SNX8: variants seen among roughly 807,000 people sequenced by gnomAD.
The protein encoded by SNX8 is sorting nexin 8, also known as sorting nexin-8.
In SNX8, 25 loss-of-function variants were observed where a neutral mutation model predicts 51.6. The ratio of observed to expected loss-of-function variants is 0.48; its 90% CI spans 0.35 to 0.68. The LOEUF (loss-of-function observed/expected upper bound fraction) is 0.68. SNX8 is among the 30% of genes least tolerant of loss of function. SNX8 has a pLI of 0.00. For synonymous variants in SNX8, 324 were observed against 277.0 expected (o/e 1.17, Z -1.68); for missense variants, 695 against 624.0 (o/e 1.11, Z -1.21).
intron 1 of SNX8, 30 bp downstream of exon 1, chr7:2,314,298 G>C: frequency 1.6e-6 from 2 of 1,219,218 alleles, no homozygotes; most frequent in South Asian, 8.2e-5. Context: ...GCCCTGGGCA[G>C]GTGGGGGCTA....
At chr7:2,295,810 A>G (rs776628947) in intron 1 of SNX8, among the ~76,000 whole-genome samples, 9 of 151,938 alleles carry the variant, frequency 5.9e-5, no homozygotes, top group Non-Finnish European at 1.3e-4. Context: ...TGGCTATCCA[A>G]TTTTCCTAGC....
intron 1 of SNX8, among the ~76,000 whole-genome samples, chr7:2,342,710 AGAT>A (rs1246093287): frequency 1.3e-5 from 2 of 152,062 alleles, no homozygotes; most frequent in Non-Finnish European, 2.9e-5. Context: ...ACGTAAGTGG[AGAT>A]GAGAGAAGAC....
intron 5 of SNX8, 138 bp from the exon 6 acceptor site, chr7:2,264,596 A>G (rs1584673691): frequency 1.5e-6 from 1 of 671,678 alleles, no homozygotes; most frequent in Non-Finnish European, 2.5e-6. Flanking sequence ...CCACTCCTCC[A>G]GGCCTGCAGG....
In SNX8 at chr7:2,303,878, C is replaced by T. The variant is rs1011761752; in HGVS notation, c.94+10450G>A. The stretch of plus-strand genomic sequence containing the variant: ...GACCTTTGTTCACGTGTTTATCTGC[C>T]GACCTTCCCTCCACTATTGTCCTAT... On this transcript the variant is annotated intron_variant, in intron 1 of 10. Coordinates refer to ENST00000222990, the MANE Select transcript of SNX8 (RefSeq NM_013321.4). Among the ~76,000 whole-genome samples, 72 of 151,824 alleles carry T rather than the reference C, an allele frequency of 4.7e-4. 1 individual carries two copies. The South Asian group carries it at 0.011, about 23-fold the overall frequency.
intron 1 of SNX8, among the ~76,000 whole-genome samples, chr7:2,345,921 C>T (rs1170247620): frequency 6.6e-6 from 1 of 152,006 alleles, no homozygotes; most frequent in Admixed American, 6.6e-5. Context: ...GATTCTCCTA[C>T]CTCAGCCTCC....
At chr7:2,265,359 C>A (rs1795440261) in intron 5 of SNX8, among the ~76,000 whole-genome samples, 1 of 152,006 alleles carries the variant, frequency 6.6e-6, no homozygotes, top group South Asian at 2.1e-4. Flanking sequence ...CAATACTAAT[C>A]TTTAGCTGGA....
chr7:2,253,941 G>A lies in SNX8; in HGVS notation c.*1115C>T, dbSNP rs559640932. On this transcript the variant is annotated 3_prime_UTR_variant, in exon 11 of 11. Coordinates refer to ENST00000222990, the MANE Select transcript of SNX8 (RefSeq NM_013321.4). ...CGGCCAGGGAGGGGCGTCAGGCTCC[G>A]GAGAAGTGCAGGGGTCCACTGGGCT... is the stretch of plus-strand genomic sequence containing the variant. 1.6e-4 allele frequency: 25 copies of A among 152,414 alleles called. No homozygotes were observed. The highest frequency in any genetic ancestry group is 5.3e-4 in the African/African-American group (22 of 41,574). 9.4% of individuals were successfully genotyped at this position (152,414 alleles called of 1,614,324 possible).
intron 1 of SNX8, among the ~76,000 whole-genome samples, chr7:2,329,744 G>C (rs1778695257): frequency 6.6e-6 from 1 of 152,146 alleles, no homozygotes; most frequent in Non-Finnish European, 1.5e-5. Flanking sequence ...TTCCTGGAAA[G>C]TGGCACGGGG....
chr7:2,351,603 C>T (rs535262680), intron 1 of SNX8, among the ~76,000 whole-genome samples: 13 of 151,742 alleles, frequency 8.6e-5, no homozygotes, highest in African/African-American at 2.4e-4. Flanking sequence ...GAGGCCAAGG[C>T]GGGCGGATCA....
At chr7:2,351,905 GTTTTTTT>G (rs748043966) in intron 1 of SNX8, among the ~76,000 whole-genome samples, 4 of 88,324 alleles carry the variant, frequency 4.5e-5, no homozygotes, top group African/African-American at 1.5e-4. Flanking sequence ...GTTGTTGTTG[GTTTTTTT>G]TTTTTTTTTT....
At chr7:2,257,949 G>A in intron 7 of SNX8, 146 bp from the exon 8 acceptor site, 1 of 708,580 alleles carries the variant, frequency 1.4e-6, no homozygotes, top group South Asian at 1.7e-5. Context: ...GTCTGCAGGG[G>A]GCCCCCTTCC....
At chr7:2,260,535 A>T (rs145685129) in intron 7 of SNX8, among the ~76,000 whole-genome samples, 12 of 152,302 alleles carry the variant, frequency 7.9e-5, no homozygotes, top group Non-Finnish European at 1.5e-4. Flanking sequence ...GTCACCATGG[A>T]AAACACAGAC....
intron 1 of SNX8, among the ~76,000 whole-genome samples, chr7:2,300,314 T>C (rs953700222): frequency 6.6e-6 from 1 of 152,212 alleles, no homozygotes; most frequent in Admixed American, 6.5e-5. Context: ...GAGCTGACAA[T>C]TCAAGGAGAT....
At chr7:2,351,956 G>A (rs1364916126) in intron 1 of SNX8, among the ~76,000 whole-genome samples, 1 of 130,666 alleles carries the variant, frequency 7.7e-6, no homozygotes, top group Non-Finnish European at 1.5e-5. Context: ...TGCCCAGGCT[G>A]GAGTGAAATG....
At position 2,278,325 on chromosome 7, in the gene SNX8, T is replaced by C. The variant is rs766829133; in HGVS notation, c.95-20A>G. On this transcript the variant is annotated intron_variant, in intron 1 of 10. Coordinates refer to ENST00000222990, the MANE Select transcript of SNX8 (RefSeq NM_013321.4). Reference sequence around the variant, plus strand: ...GCAGATCTGCAGGGGAGATGGTGAATGACCAGTGAGAATAGCTGCTCAAAA... The same window carrying C: ...GCAGATCTGCAGGGGAGATGGTGAACGACCAGTGAGAATAGCTGCTCAAAA... 2 of 1,443,788 alleles carry C rather than the reference T, an allele frequency of 1.4e-6. No homozygotes were observed. The highest frequency in any genetic ancestry group is 3.8e-5 in the Admixed American group (2 of 52,882). 89.4% of individuals were successfully genotyped at this position (1,443,788 alleles called of 1,614,324 possible).
intron 1 of SNX8, among the ~76,000 whole-genome samples, chr7:2,314,120 G>T (rs1008448982): frequency 6.6e-6 from 1 of 151,768 alleles, no homozygotes; most frequent in African/African-American, 2.4e-5. Flanking sequence ...CCCGAGGGAC[G>T]GAGGCGCGAG....
rs184068324 is a variant in SNX8, at chr7:2,337,612, G to T, written c.-66+16610C>A. Among the ~76,000 whole-genome samples, 8 of 152,104 alleles carry T rather than the reference G, an allele frequency of 5.3e-5. No homozygotes were observed. In the East Asian group the frequency reaches 1.5e-3, roughly 29 times the overall value. Reference sequence around the variant, plus strand: ...TTGACAATGAAAGTTCTACTTATCAGAACTCAAGGGAAGCAGACAGAGAGC... The same window carrying T: ...TTGACAATGAAAGTTCTACTTATCATAACTCAAGGGAAGCAGACAGAGAGC... On this transcript the variant is annotated intron_variant, in intron 1 of 5. Transcript: ENST00000435336.
chr7:2,334,882 A>G (rs1364714998), intron 1 of SNX8, among the ~76,000 whole-genome samples: 16 of 150,188 alleles, frequency 1.1e-4, no homozygotes, highest in Non-Finnish European at 2.2e-4. Flanking sequence ...AAAAAAAAAA[A>G]AAAAAAAAAA....
intron 2 of SNX8, among the ~76,000 whole-genome samples, chr7:2,277,159 T>C (rs980581221): frequency 3.9e-5 from 6 of 152,098 alleles, no homozygotes; most frequent in Admixed American, 6.6e-5. Context: ...AATTACTCAA[T>C]GCCCAGGATG....
Sources: allele counts gnomAD v4.1 joint callset (sites outside exome capture counted in the v4.1 genomes callset), GRCh38; gene constraint gnomAD v4.1.1; transcripts MANE v1.5; gene names NCBI Gene and HGNC (gene_info 2026-07-23, HGNC 2026-07-21).